Variants in CYP20A1 observed in about 807,000 individuals in gnomAD.
CYP20A1 encodes cytochrome P450 family 20 subfamily A member 1.
Under a neutral mutation model 61.4 loss-of-function variants are expected in CYP20A1, and 61 were observed. That is an observed-to-expected ratio of 0.99 (90% CI 0.81 to 1.23). The LOEUF (loss-of-function observed/expected upper bound fraction) is 1.23. CYP20A1 is among the 50% of genes most tolerant of loss of function. The probability of loss-of-function intolerance (pLI) is 0.00; values close to 1 mark genes in which losing one functional copy is unlikely to be tolerated. For missense variants in CYP20A1, 530 were observed against 542.4 expected (o/e 0.98, Z 0.23); for synonymous variants, 193 against 188.2 (o/e 1.03, Z -0.21).
intron 11 of CYP20A1, among the ~76,000 whole-genome samples, chr2:203,293,529 T>C (rs1311453906): frequency 6.7e-6 from 1 of 149,172 alleles, no homozygotes; most frequent in Non-Finnish European, 1.5e-5. Context: ...TTTTCCCCAG[T>C]GCATTTTTCT....
intron 1 of CYP20A1, among the ~76,000 whole-genome samples, chr2:203,243,931 C>T (rs902489101): frequency 6.6e-6 from 1 of 152,098 alleles, no homozygotes; most frequent in African/African-American, 2.4e-5. Context: ...CTCAAATGAT[C>T]GTCCTGCCTT....
At chr2:203,258,005 G>GCACAATTATAGCCCACTGGAGCATCGA (rs1455916330) in intron 4 of CYP20A1, among the ~76,000 whole-genome samples, 1 of 151,752 alleles carries the variant, frequency 6.6e-6, no homozygotes, top group Non-Finnish European at 1.5e-5. Flanking sequence ...GGGCTGAAGG[G>GCACAATTATAGCCCACTGGAGCATCGA]ATCCTCCTGC....
At position 203,303,002 on chromosome 2, in the gene CYP20A1, A is replaced by G. The variant is rs2069082712; in HGVS notation, c.*6094A>G. On this transcript the variant is annotated 3_prime_UTR_variant, in exon 13 of 13. Transcript: ENST00000356079. ...CACCGCGCTCGGTCCCTTTCTTTTTATTTATTTATTTATTTTGAGATGGAG... is the reference window on the plus strand; with the variant it reads ...CACCGCGCTCGGTCCCTTTCTTTTTGTTTATTTATTTATTTTGAGATGGAG... Among the ~76,000 whole-genome samples, 1 of 146,638 alleles carries G rather than the reference A, an allele frequency of 6.8e-6. No individual in the cohort carries two copies. The highest frequency in any genetic ancestry group is 1.5e-5 in the Non-Finnish European group (1 of 66,872).
At position 203,264,005 on chromosome 2, in the gene CYP20A1, G is replaced by A. The variant is rs377009010; in HGVS notation, c.433-2509G>A. On this transcript the variant is annotated intron_variant, in intron 4 of 12. Coordinates refer to ENST00000356079, the MANE Select transcript of CYP20A1 (RefSeq NM_177538.3). Reference sequence around the variant, plus strand: ...AGGTTTTTGTGTGGGGGGCGTGGGTGTTTTGTTTTTGTTTTAGAGACATTT... The same window carrying A: ...AGGTTTTTGTGTGGGGGGCGTGGGTATTTTGTTTTTGTTTTAGAGACATTT... Among the ~76,000 whole-genome samples, 154 of 152,104 alleles carry A rather than the reference G, an allele frequency of 1.0e-3. 3 individuals carry two copies. The highest frequency in any genetic ancestry group is 3.4e-3 in the African/African-American group (141 of 41,450).
intron 11 of CYP20A1, among the ~76,000 whole-genome samples, chr2:203,293,213 TC>T (rs1328957196): frequency 3.1e-4 from 8 of 26,182 alleles, no homozygotes; most frequent in Non-Finnish European, 8.2e-4. Context: ...AGAATTTCTC[TC>T]TCTTTTTTTT....
At chr2:203,266,362 T>G in intron 4 of CYP20A1, 152 bp from the exon 5 acceptor site, 1 of 627,324 alleles carries the variant, frequency 1.6e-6, no homozygotes, top group Non-Finnish European at 2.8e-6. Context: ...CAATTATAGG[T>G]GGAGCTAGTG....
chr2:203,294,203 C>T (rs2068672919), intron 11 of CYP20A1, among the ~76,000 whole-genome samples: 1 of 151,822 alleles, frequency 6.6e-6, no homozygotes, highest in Non-Finnish European at 1.5e-5. Context: ...GAGACAGAAT[C>T]TCGCTCTATT....
chr2:203,245,776 T>TAC, intron 1 of CYP20A1, 70 bp from the exon 2 acceptor site: 2 of 807,398 alleles, frequency 2.5e-6, no homozygotes, highest in Admixed American at 4.9e-5. Context: ...GTCCTGCAGA[T>TAC]GTGTTGGTGA....
In CYP20A1 at chr2:203,297,824, C is replaced by T. The variant is rs918412907; in HGVS notation, c.*916C>T. On this transcript the variant is annotated 3_prime_UTR_variant, in exon 13 of 13. Transcript: ENST00000356079. Reference sequence around the variant, plus strand: ...GAAACCCCATCTCTACTGAAAAACACACACAAAAAAATTAGCTGGGCATGG... The same window carrying T: ...GAAACCCCATCTCTACTGAAAAACATACACAAAAAAATTAGCTGGGCATGG... 3 of 151,826 alleles carry T rather than the reference C, an allele frequency of 2.0e-5. No homozygotes were observed. Among genetic ancestry groups the T allele is most frequent in the Non-Finnish European group, 4.4e-5 (3 of 67,994 alleles). 9.4% of individuals were successfully genotyped at this position (151,826 alleles called of 1,614,324 possible). A position where few individuals can be genotyped will look rare whatever the true frequency, so the allele number is the denominator to read the frequency against.
chr2:203,272,401 C>T (rs530757708), intron 5 of CYP20A1, among the ~76,000 whole-genome samples: 3 of 151,624 alleles, frequency 2.0e-5, no homozygotes, highest in East Asian at 3.9e-4. Flanking sequence ...AATTAGCTGG[C>T]GTTGGTGGCA....
chr2:203,242,748 GC>G (rs1406531594), intron 1 of CYP20A1, among the ~76,000 whole-genome samples: 1 of 151,494 alleles, frequency 6.6e-6, no homozygotes, highest in East Asian at 1.9e-4. Flanking sequence ...CCAAGATGGC[GC>G]CATTGCACTC....
intron 12 of CYP20A1, 32 bp from the exon 13 acceptor site, chr2:203,296,726 T>C (rs2068814507): frequency 6.4e-7 from 1 of 1,564,224 alleles, no homozygotes; most frequent in African/African-American, 1.4e-5. Flanking sequence ...ATTTTTAATC[T>C]TTAGTAACTA....
In CYP20A1 at chr2:203,300,908, A is replaced by C. The variant is rs1271580770; in HGVS notation, c.*4000A>C. On this transcript the variant is annotated 3_prime_UTR_variant, in exon 13 of 13. Transcript: ENST00000356079. ...CCGTCTCAGAAAAAAAAAAAAAAAA[A>C]AAAAACGGCCAGGCGAGGTGGCTCA... 1.5e-5 allele frequency among the ~76,000 whole-genome samples: 2 copies of C among 134,182 alleles called. No individual in the cohort carries two copies. Among genetic ancestry groups the C allele is most frequent in the South Asian group, 2.4e-4 (1 of 4,224 alleles). The allele number at this position is 134,182 out of a possible 152,430, so 88.0% of individuals were successfully genotyped here.
At chr2:203,284,689 T>G (rs2068191366) in intron 8 of CYP20A1, among the ~76,000 whole-genome samples, 1 of 151,608 alleles carries the variant, frequency 6.6e-6, no homozygotes, top group African/African-American at 2.4e-5. Flanking sequence ...TTTGTGAATG[T>G]GAGGTTATAG....
chr2:203,296,724 T>C (rs765014730), intron 12 of CYP20A1, 34 bp from the exon 13 acceptor site: 3 of 1,562,744 alleles, frequency 1.9e-6, no homozygotes, highest in Middle Eastern at 1.7e-4. Context: ...TAATTTTTAA[T>C]CTTTAGTAAC....
At chr2:203,282,094 A>G (rs370253045) in intron 8 of CYP20A1, among the ~76,000 whole-genome samples, 3 of 145,962 alleles carry the variant, frequency 2.1e-5, no homozygotes, top group African/African-American at 7.6e-5. Flanking sequence ...CTGTAGTGCA[A>G]TTGCGCGATT....
intron 4 of CYP20A1, among the ~76,000 whole-genome samples, chr2:203,258,003 G>GTGCAGTGGCACAA: frequency 6.6e-6 from 1 of 151,450 alleles, no homozygotes; most frequent in Non-Finnish European, 1.5e-5. Context: ...CTGGGCTGAA[G>GTGCAGTGGCACAA]GGATCCTCCT....
At chr2:203,254,715 G>A (rs2066830032) in intron 4 of CYP20A1, among the ~76,000 whole-genome samples, 1 of 152,114 alleles carries the variant, frequency 6.6e-6, no homozygotes, top group Non-Finnish European at 1.5e-5. Flanking sequence ...TGATCTGGGT[G>A]TAGTGGCTCA....
At chr2:203,267,688 A>T (rs1454420218) in intron 5 of CYP20A1, among the ~76,000 whole-genome samples, 1 of 152,076 alleles carries the variant, frequency 6.6e-6, no homozygotes, top group Non-Finnish European at 1.5e-5. Context: ...ACTAAAAAAT[A>T]CAAAAATTTG....
Sources: allele counts gnomAD v4.1 joint callset (sites outside exome capture counted in the v4.1 genomes callset), GRCh38; gene constraint gnomAD v4.1.1; transcripts MANE v1.5; gene names NCBI Gene and HGNC (gene_info 2026-07-23, HGNC 2026-07-21).